Variants in HDC observed in about 807,000 individuals in gnomAD.
HDC encodes histidine decarboxylase.
Under a neutral mutation model 64.4 loss-of-function variants are expected in HDC, and 27 were observed. The observed-to-expected ratio is 0.42, with a 90% CI of 0.31 to 0.58. HDC has a LOEUF of 0.58. Ranked by LOEUF, HDC falls within the 20% of genes least tolerant of loss-of-function variation. The pLI, the probability that HDC is intolerant of heterozygous loss-of-function variation, is 0.16. For missense variants in HDC, 711 were observed against 833.9 expected (o/e 0.85, Z 1.81); for synonymous variants, 305 against 314.2 (o/e 0.97, Z 0.31).
At position 50,254,169 on chromosome 15, in the gene HDC, G is replaced by A. The variant is rs1345450128; in HGVS notation, c.681C>T (p.Ala227=). The A allele has an allele frequency of 1.9e-6, 3 of 1,614,202 alleles. No homozygotes were observed. Among genetic ancestry groups the A allele is most frequent in the Non-Finnish European group, 2.5e-6 (3 of 1,180,040 alleles). ...FSLRGEALQK[A]IEEDKQRGLV... ...AGCCCCGCTGCTTGTCTTCCTCGAT[G>A]GCCTTCTGAAGAGCTTCCCCTCGGA... The change falls in exon 6 of 12, where the codon GCC becomes GCT. Residue 227 remains alanine, a synonymous_variant. Transcript: ENST00000267845.
chr15:50,254,538 A>G lies in HDC; in HGVS notation c.568T>C (p.Ser190Pro). Residue 190 changes from serine (S) to proline (P), a missense_variant, in exon 5 of 12, where the codon TCT becomes CCT. Around this residue, in one of 3 missense-constraint regions of HDC, gnomAD observed 225 missense variants for 276.2 expected, o/e 0.81. Coordinates refer to ENST00000267845, the MANE Select transcript of HDC (RefSeq NM_002112.4). ...CLNARLVAYA[S>P]DQAHSSVEKA... ...TGCGTCGGGCAACTCACCTGGTCAG[A>G]GGCATAGGCCACGAGTCGGGCATTT... 1 of 1,614,248 alleles carries G rather than the reference A, an allele frequency of 6.2e-7. No individual in the cohort carries two copies. Among genetic ancestry groups the G allele is most frequent in the Non-Finnish European group, 8.5e-7 (1 of 1,180,046 alleles).
rs2045603263 is a variant in HDC, at chr15:50,254,630, A to G, written c.476T>C (p.Leu159Pro). 2 of 1,614,052 alleles carry G rather than the reference A, an allele frequency of 1.2e-6. No individual in the cohort carries two copies. The highest frequency in any genetic ancestry group is 3.3e-5 in the Admixed American group (2 of 60,008). The change falls in exon 5 of 12, where the codon CTG becomes CCG. Residue 159 changes from leucine (L) to proline (P), a missense_variant. Physicochemically the swap from Leu to Pro is moderately conservative, Grantham distance 98. This residue lies in a region of HDC where 225 missense variants were observed against 276.2 expected (regional missense o/e 0.81). Transcript: ENST00000267845. ...TVSESTLIAL[L>P]AARKNKILEM... The stretch of plus-strand genomic sequence containing the variant: ...CAGGATTTTGTTCTTCCTTGCTGCC[A>G]GCAGGGCAATCAAAGTGGATTCACT...
chr15:50,252,349 G>C (rs933196836), intron 9 of HDC, 81 bp downstream of exon 9: 1 of 1,027,908 alleles, frequency 9.7e-7, no homozygotes, highest in East Asian at 2.4e-5. Flanking sequence ...GGGAGCCACC[G>C]TACAGATTTT....
At chr15:50,244,294 T>G (rs60650625) in intron 10 of HDC, among the ~76,000 whole-genome samples, 25 of 129,586 alleles carry the variant, frequency 1.9e-4, no homozygotes, top group African/African-American at 8.9e-4. Context: ...TCTTTTTTTT[T>G]TTTTTTTTTT....
At chr15:50,249,396 C>T (rs142832552) in intron 9 of HDC, among the ~76,000 whole-genome samples, 12 of 152,314 alleles carry the variant, frequency 7.9e-5, no homozygotes, top group East Asian at 3.9e-4. Flanking sequence ...TGTCCCACTG[C>T]GTATTTATCT....
chr15:50,242,910 G>A lies in HDC; in HGVS notation c.1339C>T (p.Arg447Cys), dbSNP rs778569907. 8 of 1,613,986 alleles carry A rather than the reference G, an allele frequency of 5.0e-6. No individual in the cohort carries two copies. Among genetic ancestry groups the A allele is most frequent in the Non-Finnish European group, 4.2e-6 (5 of 1,179,998 alleles). Residue 447 changes from arginine to cysteine, a missense_variant, in exon 12 of 12, where the codon CGT becomes TGT. Coordinates refer to ENST00000267845, the MANE Select transcript of HDC (RefSeq NM_002112.4). ...GTAAACTGGGATGTCACAGTGAAAC[G>A]GATGATTAACTTGTCCTGGATAGTG... ...PATIQDKLIIRFTVTSQFTTR... is the reference protein window; with the variant it reads ...PATIQDKLIICFTVTSQFTTR...
At chr15:50,253,956 C>G in intron 6 of HDC, 174 bp downstream of exon 6, 1 of 719,678 alleles carries the variant, frequency 1.4e-6, no homozygotes, top group Non-Finnish European at 2.4e-6. Flanking sequence ...GGTTATGACC[C>G]ACAAAATTTA....
In HDC at chr15:50,243,208, T is replaced by C. The variant is rs149133008; in HGVS notation, c.1177A>G (p.Arg393Gly). The C allele has an allele frequency of 5.3e-5, 86 of 1,613,830 alleles. No individual in the cohort carries two copies. Among genetic ancestry groups the C allele is most frequent in the Non-Finnish European group, 7.2e-5 (85 of 1,179,798 alleles). Residue 393 changes from arginine to glycine, a missense_variant, in exon 11 of 12, where the codon AGA becomes GGA. Physicochemically the swap from Arg to Gly is moderately radical, Grantham distance 125. This residue lies in a region of HDC where 483 missense variants were observed against 540.9 expected (regional missense o/e 0.89). Transcript: ENST00000267845. ...GGAATTTCAAAGGAAGGGTCGTTTCTGACCAGAGATTCAAAATATTTAGCC... is the reference window on the plus strand; with the variant it reads ...GGAATTTCAAAGGAAGGGTCGTTTCCGACCAGAGATTCAAAATATTTAGCC... ...EMAKYFESLV[R>G]NDPSFEIPAK...
chr15:50,243,792 C>T (rs2045438671), intron 10 of HDC, among the ~76,000 whole-genome samples: 1 of 152,228 alleles, frequency 6.6e-6, no homozygotes, highest in Admixed American at 6.5e-5. Context: ...CTTTTCATCC[C>T]CTGTTTCTGA....
rs1401414690 is a variant in HDC at position 50,263,289 on chromosome 15, G to T, written c.150C>A (p.Asp50Glu). ...RAQLPESAPE[D>E]PDSWDSIFGD... ...CAAAGATGCTGTCCCAGCTGTCGGG[G>T]TCCTCAGGAGCACTCTCAGGCAGCT... Residue 50 changes from aspartate (D) to glutamate (E), a missense_variant, in exon 2 of 12, where the codon GAC (aspartate) becomes GAA (glutamate). By Grantham distance (45) the Asp-to-Glu change is conservative (BLOSUM62 2). Around this residue, in one of 3 missense-constraint regions of HDC, gnomAD observed 225 missense variants for 276.2 expected, o/e 0.81. Coordinates refer to ENST00000267845, the MANE Select transcript of HDC (RefSeq NM_002112.4). 4 of 1,614,158 alleles carry T rather than the reference G, an allele frequency of 2.5e-6. No homozygotes were observed. The South Asian group carries it at 3.3e-5, about 13-fold the overall frequency.
At chr15:50,250,277 G>C (rs1413150810) in intron 9 of HDC, among the ~76,000 whole-genome samples, 2 of 152,204 alleles carry the variant, frequency 1.3e-5, no homozygotes, top group African/African-American at 4.8e-5. Flanking sequence ...ATTGGGCCCA[G>C]GTGAGAGTAG....
In HDC at chr15:50,265,612, A is replaced by G; in HGVS notation, c.12T>C (p.Pro4=). The G allele has an allele frequency of 6.2e-7, 1 of 1,613,908 alleles. No homozygotes were observed. Among genetic ancestry groups the G allele is most frequent in the South Asian group, 1.1e-5 (1 of 91,056 alleles). The change falls in exon 1 of 12, where the codon CCT becomes CCC. Residue 4 remains proline (P), a synonymous_variant. Transcript: ENST00000267845. ...GCTCACCTCTCTCTCTGTACTCCTC[A>G]GGCTCCATCATCTCCCTTGGGCTCT... MME[P]EEYRERGREM...
chr15:50,265,618 C>G lies in HDC; in HGVS notation c.6G>C (p.Met2Ile). The G allele has an allele frequency of 6.2e-7, 1 of 1,613,914 alleles. No individual in the cohort carries two copies. The highest frequency in any genetic ancestry group is 8.5e-7 in the Non-Finnish European group (1 of 1,179,814). Residue 2 changes from methionine (M) to isoleucine (I), a missense_variant, in exon 1 of 12, where the codon ATG becomes ATC. Met to Ile is a conservative substitution (Grantham distance 10). Coordinates refer to ENST00000267845, the MANE Select transcript of HDC (RefSeq NM_002112.4). ...CTCTCTCTCTGTACTCCTCAGGCTC[C>G]ATCATCTCCCTTGGGCTCTGGCTCC... Reference protein sequence around the residue: MMEPEEYRERGR... With the variant: MIEPEEYRERGR...
At chr15:50,253,856 T>A (rs2045590913) in intron 6 of HDC, 190 bp from the exon 7 acceptor site, 2 of 651,844 alleles carry the variant, frequency 3.1e-6, no homozygotes, top group Non-Finnish European at 5.4e-6. Context: ...TGTATACGTG[T>A]GTATTTGAAA....
At chr15:50,262,960 T>C (rs2045723376) in intron 2 of HDC, among the ~76,000 whole-genome samples, 1 of 152,178 alleles carries the variant, frequency 6.6e-6, no homozygotes, top group East Asian at 1.9e-4. Flanking sequence ...TCTGCCAGGC[T>C]GTGCTCTGGA....
rs766646575 is a variant in HDC at position 50,253,517 on chromosome 15, T to C, written c.787+83A>G. On this transcript the variant is annotated intron_variant, in intron 7 of 11. Transcript: ENST00000267845. ...CCAAAGAGGAACAAGAATAATCCCA[T>C]AGAGCTGGTTTCAGGTCCTTGCTTT... The C allele has an allele frequency of 3.4e-5, 41 of 1,200,086 alleles. No homozygotes were observed. In the African/African-American group the frequency reaches 4.8e-4, roughly 14 times the overall value. 74.3% of individuals were successfully genotyped at this position (1,200,086 alleles called of 1,614,324 possible). A position where few individuals can be genotyped will look rare whatever the true frequency, so the allele number is the denominator to read the frequency against.
chr15:50,256,745 A>G (rs1402187605), intron 4 of HDC, among the ~76,000 whole-genome samples: 3 of 152,258 alleles, frequency 2.0e-5, no homozygotes, highest in Non-Finnish European at 4.4e-5. Flanking sequence ...TGAGGGAAAT[A>G]GTATTATTAT....
rs2045426622 is a variant in HDC at position 50,243,153 on chromosome 15, A to G, written c.1232T>C (p.Phe411Ser). ...GGAAGATGGTATTACCTTTAGACGA[A>G]AAACCACCAGGCCAAGGTGCCTCTT... is the stretch of plus-strand genomic sequence containing the variant. Reference protein sequence around the residue: ...PAKRHLGLVVFRLKGPNCLTE... With the variant: ...PAKRHLGLVVSRLKGPNCLTE... Residue 411 changes from phenylalanine (F) to serine (S), a missense_variant, in exon 11 of 12, where the codon TTT becomes TCT. Phe to Ser is a radical substitution (Grantham distance 155, BLOSUM62 -2). Coordinates refer to ENST00000267845, the MANE Select transcript of HDC (RefSeq NM_002112.4). The G allele has an allele frequency of 6.2e-7, 1 of 1,613,744 alleles. No homozygotes were observed. The highest frequency in any genetic ancestry group is 1.3e-5 in the African/African-American group (1 of 74,918).
At chr15:50,259,717 C>T (rs2045678145) in intron 2 of HDC, among the ~76,000 whole-genome samples, 1 of 152,316 alleles carries the variant, frequency 6.6e-6, no homozygotes. Flanking sequence ...CAGCTCCCTT[C>T]GATCCCTTCC....
Sources: allele counts gnomAD v4.1 joint callset (sites outside exome capture counted in the v4.1 genomes callset), GRCh38; gene constraint gnomAD v4.1.1; regional missense constraint gnomAD v4.1.1; transcripts MANE v1.5; gene names NCBI Gene and HGNC (gene_info 2026-07-23, HGNC 2026-07-21).